The following XKR6 variants were observed in gnomAD, a reference collection of about 807,000 sequenced individuals.
XKR6 encodes XK-related protein 6.
A neutral mutation model predicts 56.7 loss-of-function variants in XKR6; 22 were observed. The ratio of observed to expected loss-of-function variants is 0.39; its 90% CI spans 0.28 to 0.55. The LOEUF (loss-of-function observed/expected upper bound fraction) is 0.55, where lower values mean the gene tolerates loss of function less well. XKR6 is among the 20% of genes least tolerant of loss of function. The pLI is 0.66. For missense variants in XKR6, 852 were observed against 889.0 expected, an observed-to-expected ratio of 0.96 and a Z score of 0.53; for synonymous variants, 524 against 387.8, an observed-to-expected ratio of 1.35 and a Z score of -4.13.
At chr8:11,049,132 T>C (rs1799481728) in intron 1 of XKR6, among the ~76,000 whole-genome samples, 1 of 152,196 alleles carries the variant, frequency 6.6e-6, no homozygotes, top group Non-Finnish European at 1.5e-5. Context: ...TCTGGGTTGC[T>C]CAGGAGCCCA....
chr8:10,971,779 G>A (rs1301111902), intron 1 of XKR6, among the ~76,000 whole-genome samples: 4 of 152,180 alleles, frequency 2.6e-5, no homozygotes, highest in African/African-American at 9.7e-5. Context: ...AGGGGACGCT[G>A]GCCACCCACC....
intron 1 of XKR6, among the ~76,000 whole-genome samples, chr8:11,013,036 G>A (rs1343475690): frequency 6.6e-6 from 1 of 152,134 alleles, no homozygotes; most frequent in Non-Finnish European, 1.5e-5. Context: ...GATGAAACGA[G>A]GCCCAGGGAG....
At chr8:10,900,039 C>G (rs544744119) in intron 2 of XKR6, among the ~76,000 whole-genome samples, 1 of 152,052 alleles carries the variant, frequency 6.6e-6, no homozygotes, top group Non-Finnish European at 1.5e-5. Flanking sequence ...TTCCACAGTC[C>G]ATCTGGGGCC....
intron 1 of XKR6, among the ~76,000 whole-genome samples, chr8:11,129,487 T>C (rs1351636524): frequency 1.3e-5 from 2 of 152,110 alleles, no homozygotes; most frequent in Admixed American, 6.5e-5. Context: ...GGAGAGCTGC[T>C]CTCCACTTCC....
chr8:11,160,911 C>CAAAAAAAAAAAAAAAAAAAAAAAAAAAA (rs33931830), intron 1 of XKR6, among the ~76,000 whole-genome samples: 1 of 63,770 alleles, frequency 1.6e-5, no homozygotes, highest in African/African-American at 6.5e-5. Flanking sequence ...GACTCCGTCT[C>CAAAAAAAAAAAAAAAAAAAAAAAAAAAA]AAAAAAAAAA....
chr8:10,919,954 C>A (rs775921210), intron 2 of XKR6, among the ~76,000 whole-genome samples: 5 of 152,032 alleles, frequency 3.3e-5, no homozygotes, highest in Admixed American at 6.5e-5. Flanking sequence ...CTATTATTTC[C>A]CTTGAGTCTG....
intron 1 of XKR6, among the ~76,000 whole-genome samples, chr8:11,061,712 C>G (rs1294944016): frequency 1.3e-5 from 2 of 152,188 alleles, no homozygotes; most frequent in African/African-American, 4.8e-5. Flanking sequence ...AACATCCATT[C>G]CCCTCTTCCA....
At chr8:10,907,226 C>G (rs868251555) in intron 2 of XKR6, among the ~76,000 whole-genome samples, 1 of 152,082 alleles carries the variant, frequency 6.6e-6, no homozygotes, top group Non-Finnish European at 1.5e-5. Context: ...CTCAGGAAAG[C>G]CAAAATCTGA....
At chr8:11,146,281 T>C (rs1359982624) in intron 1 of XKR6, among the ~76,000 whole-genome samples, 1 of 152,200 alleles carries the variant, frequency 6.6e-6, no homozygotes, top group Non-Finnish European at 1.5e-5. Flanking sequence ...CTTTGTGCCC[T>C]TGGGCTTGAC....
At chr8:11,150,753 T>C (rs929357645) in intron 1 of XKR6, among the ~76,000 whole-genome samples, 1 of 148,514 alleles carries the variant, frequency 6.7e-6, no homozygotes, top group Non-Finnish European at 1.5e-5. Flanking sequence ...CTCAGGAGGC[T>C]GAGGTAGAAG....
intron 1 of XKR6, among the ~76,000 whole-genome samples, chr8:11,036,862 G>A (rs536988290): frequency 1.3e-5 from 2 of 152,218 alleles, no homozygotes; most frequent in African/African-American, 4.8e-5. Flanking sequence ...GGCTGCGTGT[G>A]TTATTCTGTG....
intron 1 of XKR6, among the ~76,000 whole-genome samples, chr8:11,068,591 G>A (rs1800039167): frequency 6.6e-6 from 1 of 152,210 alleles, no homozygotes; most frequent in Admixed American, 6.5e-5. Context: ...CAGGCAGCCT[G>A]GGATGGCATC....
intron 1 of XKR6, among the ~76,000 whole-genome samples, chr8:11,035,019 C>T (rs887793685): frequency 1.3e-5 from 2 of 152,226 alleles, no homozygotes; most frequent in Admixed American, 6.5e-5. Context: ...ATTTCATATG[C>T]GTACACATTT....
chr8:10,964,183 G>A (rs1311393294), intron 1 of XKR6, among the ~76,000 whole-genome samples: 1 of 152,114 alleles, frequency 6.6e-6, no homozygotes, highest in African/African-American at 2.4e-5. Context: ...GGCTGCCTGA[G>A]CTTCTCCTGT....
intron 1 of XKR6, among the ~76,000 whole-genome samples, chr8:10,949,519 G>A (rs1364091414): frequency 2.6e-5 from 4 of 152,228 alleles, no homozygotes; most frequent in Non-Finnish European, 5.9e-5. Flanking sequence ...CCTGTTCCTA[G>A]AACAGTCACC....
chr8:11,116,454 T>G (rs1210110407), intron 1 of XKR6, among the ~76,000 whole-genome samples: 1 of 152,144 alleles, frequency 6.6e-6, no homozygotes, highest in Non-Finnish European at 1.5e-5. Context: ...CACTGCAACC[T>G]CCACCTCCTG....
intron 1 of XKR6, among the ~76,000 whole-genome samples, chr8:10,982,539 A>G (rs933500392): frequency 3.3e-5 from 5 of 152,214 alleles, no homozygotes; most frequent in Admixed American, 6.5e-5. Context: ...CTGAGAAGGA[A>G]CATTAGTAGC....
At chr8:11,011,896 C>T (rs1379595760) in intron 1 of XKR6, among the ~76,000 whole-genome samples, 1 of 152,188 alleles carries the variant, frequency 6.6e-6, no homozygotes, top group Non-Finnish European at 1.5e-5. Context: ...GAGGCCAGTG[C>T]AGTGTGGCAG....
At chr8:11,067,253 G>T (rs1436311115) in intron 1 of XKR6, among the ~76,000 whole-genome samples, 2 of 152,168 alleles carry the variant, frequency 1.3e-5, no homozygotes, top group Non-Finnish European at 2.9e-5. Flanking sequence ...TGGGGCGGCA[G>T]CTTGAGGTCC....
Sources: gnomAD v4.1 joint callset for allele counts (sites outside exome capture counted in the v4.1 genomes callset) on GRCh38, gnomAD v4.1.1 for gene constraint, MANE v1.5 for transcripts, NCBI Gene and HGNC (gene_info 2026-07-23, HGNC 2026-07-21) for gene names.